The following TMEM39B variants were observed in gnomAD, a reference collection of about 807,000 sequenced individuals.
The protein encoded by TMEM39B is transmembrane protein 39B.
Under a neutral mutation model 52.2 loss-of-function variants are expected in TMEM39B, and 23 were observed. The observed-to-expected ratio is 0.44, with a 90% CI of 0.32 to 0.62. The LOEUF is 0.62. Ranked by LOEUF, TMEM39B falls within the 20% of genes least tolerant of loss-of-function variation. The pLI is 0.06. For missense variants in TMEM39B, 547 were observed against 642.0 expected (o/e 0.85, Z 1.60); for synonymous variants, 285 against 264.0 (o/e 1.08, Z -0.77).
In TMEM39B at chr1:32,102,804, C is replaced by T. The variant is rs757369114; in HGVS notation, c.*131C>T. 30 of 1,072,178 alleles carry T rather than the reference C, an allele frequency of 2.8e-5. No individual in the cohort carries two copies. Among genetic ancestry groups the T allele is most frequent in the African/African-American group, 1.9e-4 (12 of 61,772 alleles). The allele number at this position is 1,072,178 out of a possible 1,614,324, so 66.4% of individuals were successfully genotyped here. On this transcript the variant is annotated 3_prime_UTR_variant, in exon 9 of 9. Transcript: ENST00000336294. Reference sequence around the variant, plus strand: ...CCACCAGAGCTTTGTATTTTTGTTACGTACTGTTTCTTTGATAATTGATGT... The same window carrying T: ...CCACCAGAGCTTTGTATTTTTGTTATGTACTGTTTCTTTGATAATTGATGT...
chr1:32,073,626 T>C (rs1408515146), intron 1 of TMEM39B: 58 of 985,172 alleles, frequency 5.9e-5, no homozygotes, highest in Non-Finnish European at 6.6e-5. Flanking sequence ...GCTTCTGGAC[T>C]GGACTAAGGG....
At chr1:32,072,797 C>G, upstream of TMEM39B, 1 of 537,752 alleles carries the variant, frequency 1.9e-6, no homozygotes, top group Admixed American at 3.7e-5. Flanking sequence ...TCTTCACCAG[C>G]AGCTGCAGGA....
chr1:32,090,663 G>A (rs1373541805), intron 5 of TMEM39B, among the ~76,000 whole-genome samples: 1 of 151,478 alleles, frequency 6.6e-6, no homozygotes, highest in Non-Finnish European at 1.5e-5. Flanking sequence ...TTTTTGAGAC[G>A]GAGTCTCGCT....
intron 7 of TMEM39B, among the ~76,000 whole-genome samples, chr1:32,100,127 C>G (rs898241556): frequency 2.0e-5 from 3 of 151,998 alleles, no homozygotes; most frequent in Admixed American, 2.0e-4. Flanking sequence ...ACTCAGACAA[C>G]TGTGTGGTGG....
chr1:32,100,796 C>CA (rs1428684158), intron 8 of TMEM39B: 2 of 495,174 alleles, frequency 4.0e-6, no homozygotes, highest in African/African-American at 3.9e-5. Context: ...GAGACCAAGG[C>CA]AGACAGATCA....
chr1:32,087,205 A>T (rs1490869417), intron 5 of TMEM39B, among the ~76,000 whole-genome samples: 1 of 151,716 alleles, frequency 6.6e-6, no homozygotes, highest in Non-Finnish European at 1.5e-5. Context: ...TCTTAAAATT[A>T]ATTTCAGGAG....
chr1:32,076,312 T>C (rs1230276406), intron 3 of TMEM39B: 1 of 282,644 alleles, frequency 3.5e-6, no homozygotes, highest in African/African-American at 2.2e-5. Flanking sequence ...GGTTTCACCA[T>C]GTTGGTCAGG....
rs771559497 is a variant in TMEM39B, at chr1:32,102,603, G to A, written c.1409G>A (p.Arg470His). ...YYAFFKLLRDRLVLGKAYSYS... is the reference protein window; with the variant it reads ...YYAFFKLLRDHLVLGKAYSYS... ...GCCTTCTTCAAGCTGCTCCGGGACC[G>A]CTTGGTATTGGGCAAGGCCTACTCA... The change falls in exon 9 of 9, where the codon CGC becomes CAC. Residue 470 changes from arginine (R) to histidine (H), a missense_variant. Arg to His is a conservative substitution (Grantham distance 29). Transcript: ENST00000336294. 3.1e-6 allele frequency: 5 copies of A among 1,613,392 alleles called. No homozygotes were observed. Among genetic ancestry groups the A allele is most frequent in the South Asian group, 2.2e-5 (2 of 91,024 alleles).
At chr1:32,101,047 A>G (rs974394484) in intron 8 of TMEM39B, among the ~76,000 whole-genome samples, 2 of 152,182 alleles carry the variant, frequency 1.3e-5, no homozygotes, top group African/African-American at 2.4e-5. Flanking sequence ...AAATAAATAA[A>G]TAACTGCAGC....
intron 6 of TMEM39B, among the ~76,000 whole-genome samples, chr1:32,094,036 C>T (rs1228161014): frequency 1.2e-4 from 17 of 146,564 alleles, no homozygotes; most frequent in African/African-American, 3.0e-4. Flanking sequence ...GCCAGGATGG[C>T]CTCGATCTCC....
chr1:32,080,188 T>C (rs2124440809), intron 5 of TMEM39B, among the ~76,000 whole-genome samples: 1 of 152,210 alleles, frequency 6.6e-6, no homozygotes, highest in African/African-American at 2.4e-5. Context: ...GTGCCTGGCC[T>C]ACTGGCAAAC....
chr1:32,073,723 C>G, intron 1 of TMEM39B: 1 of 985,182 alleles, frequency 1.0e-6, no homozygotes, highest in Non-Finnish European at 1.2e-6. Context: ...GAGCTCTTCG[C>G]CAGGTACTTT....
Position 32,099,795 on chromosome 1 carries a change from C to G in TMEM39B, c.1116-647C>G, listed in dbSNP as rs765729370. ...GGCGCTGTGGCTGACGCCTGTAATC[C>G]CAGCACTTTGAGAGACTGAGGTGGA... On this transcript the variant is annotated intron_variant, in intron 7 of 8. Transcript: ENST00000336294. 6.6e-5 allele frequency among the ~76,000 whole-genome samples: 10 copies of G among 152,248 alleles called. No individual in the cohort carries two copies. The South Asian group carries it at 8.3e-4, about 13-fold the overall frequency.
intron 7 of TMEM39B, 53 bp downstream of exon 7, chr1:32,095,024 G>C: frequency 6.3e-7 from 1 of 1,583,506 alleles, no homozygotes. Context: ...GTCAGCATCT[G>C]GAGTCACTTG....
intron 5 of TMEM39B, among the ~76,000 whole-genome samples, chr1:32,077,789 A>G (rs527473508): frequency 6.6e-6 from 1 of 152,148 alleles, no homozygotes; most frequent in Admixed American, 6.5e-5. Context: ...GTGGGTGTCT[A>G]TGCATGAAGC....
intron 5 of TMEM39B, among the ~76,000 whole-genome samples, chr1:32,080,911 T>G (rs909726418): frequency 6.6e-6 from 1 of 152,070 alleles, no homozygotes; most frequent in Non-Finnish European, 1.5e-5. Context: ...ATGCCTGTGA[T>G]CTCAGTGACT....
chr1:32,074,428 T>G (rs1195690387), intron 1 of TMEM39B, among the ~76,000 whole-genome samples: 6 of 152,120 alleles, frequency 3.9e-5, no homozygotes, highest in Non-Finnish European at 7.4e-5. Context: ...CCTTGCTGGG[T>G]TCATTCACTC....
intron 8 of TMEM39B, chr1:32,100,800 C>T: frequency 2.1e-6 from 1 of 486,378 alleles, no homozygotes; most frequent in Admixed American, 3.4e-5. Flanking sequence ...CCAAGGCAGA[C>T]AGATCACCTG....
At chr1:32,088,382 C>T (rs540307344) in intron 5 of TMEM39B, among the ~76,000 whole-genome samples, 2 of 144,734 alleles carry the variant, frequency 1.4e-5, no homozygotes, top group Non-Finnish European at 3.0e-5. Context: ...TCGCCACTGC[C>T]CTCCAGCCTG....
Sources: allele counts gnomAD v4.1 joint callset (sites outside exome capture counted in the v4.1 genomes callset), GRCh38; gene constraint gnomAD v4.1.1; transcripts MANE v1.5; gene names NCBI Gene and HGNC (gene_info 2026-07-23, HGNC 2026-07-21).